Variants in BDNF observed in about 807,000 individuals in gnomAD.
BDNF encodes the protein brain derived neurotrophic factor.
A neutral mutation model predicts 19.5 loss-of-function variants in BDNF; 1 was observed. That is an observed-to-expected ratio of 0.05 (90% CI 0.02 to 0.24). The LOEUF (loss-of-function observed/expected upper bound fraction) is 0.24. Ranked by LOEUF, BDNF falls within the 10% of genes least tolerant of loss-of-function variation. BDNF has a pLI of 1.00. For synonymous variants in BDNF, 100 were observed against 121.6 expected, an observed-to-expected ratio of 0.82 and a Z score of 1.17; for missense variants, 195 against 317.6, an observed-to-expected ratio of 0.61 and a Z score of 2.93.
intron 1 of BDNF, chr11:27,674,744 A>G: frequency 1.0e-6 from 1 of 982,312 alleles, no homozygotes; most frequent in Non-Finnish European, 1.2e-6. Context: ...ACTGATTCCT[A>G]TAGAAGACAT....
At chr11:27,679,065 TAAG>T (rs1241353666) in intron 1 of BDNF, among the ~76,000 whole-genome samples, 1 of 152,032 alleles carries the variant, frequency 6.6e-6, no homozygotes, top group African/African-American at 2.4e-5. Context: ...TCAGAAAAAA[TAAG>T]AACTATTTTG....
chr11:27,671,871 T>C (rs1039079147), intron 1 of BDNF, among the ~76,000 whole-genome samples: 2 of 152,190 alleles, frequency 1.3e-5, no homozygotes, highest in Non-Finnish European at 2.9e-5. Flanking sequence ...ATAACTTTTT[T>C]ACTTATCAAA....
chr11:27,687,995 G>A (rs2134000559), intron 1 of BDNF, among the ~76,000 whole-genome samples: 1 of 152,328 alleles, frequency 6.6e-6, no homozygotes, highest in East Asian at 1.9e-4. Flanking sequence ...TAAGTCTGCT[G>A]AAGCTGGGCC....
intron 1 of BDNF, chr11:27,677,133 G>A (rs949942205): frequency 7.2e-5 from 11 of 152,158 alleles, no homozygotes; most frequent in South Asian, 6.2e-4. Context: ...TGCAAACTAC[G>A]GATGGGGTAA....
chr11:27,721,461 C>T lies in BDNF; in HGVS notation c.-47G>A, dbSNP rs1370754684. On this transcript the variant is annotated 5_prime_UTR_variant, in exon 1 of 2. Coordinates refer to the BDNF transcript ENST00000314915. The stretch of plus-strand genomic sequence containing the variant: ...ACTCAAGTGTCTTAAAATCTCGTCT[C>T]CCCAACAGATGCTGGAAGGTAATGT... The T allele has an allele frequency of 1.9e-6, 3 of 1,609,428 alleles. No individual in the cohort carries two copies. The East Asian group carries it at 6.7e-5, about 36-fold the overall frequency.
At chr11:27,666,880 T>C (rs1433851298) in intron 1 of BDNF, among the ~76,000 whole-genome samples, 1 of 152,068 alleles carries the variant, frequency 6.6e-6, no homozygotes, top group East Asian at 1.9e-4. Context: ...CCCAATCTAG[T>C]GAGGCAGGCC....
intron 1 of BDNF, among the ~76,000 whole-genome samples, chr11:27,718,640 C>G (rs1014110276): frequency 1.3e-5 from 2 of 149,422 alleles, no homozygotes; most frequent in Non-Finnish European, 3.0e-5. Context: ...CAATCTGTGC[C>G]CCATTCGCTG....
intron 1 of BDNF, among the ~76,000 whole-genome samples, chr11:27,708,047 C>T (rs985016931): frequency 1.3e-5 from 2 of 152,144 alleles, no homozygotes; most frequent in Non-Finnish European, 2.9e-5. Context: ...TCATGTGTCC[C>T]CCAAATGCAG....
chr11:27,670,658 A>G (rs1192120702), intron 1 of BDNF, among the ~76,000 whole-genome samples: 4 of 152,250 alleles, frequency 2.6e-5, no homozygotes. Flanking sequence ...ACATGAAAAA[A>G]TGCTCATCAT....
At chr11:27,678,760 C>A (rs1028042828) in intron 1 of BDNF, among the ~76,000 whole-genome samples, 5 of 152,060 alleles carry the variant, frequency 3.3e-5, no homozygotes, top group African/African-American at 1.2e-4. Flanking sequence ...CTTTTACCCC[C>A]AAATGTAGAG....
intron 1 of BDNF, among the ~76,000 whole-genome samples, chr11:27,689,385 T>C (rs1210287968): frequency 6.6e-6 from 1 of 152,230 alleles, no homozygotes; most frequent in African/African-American, 2.4e-5. Context: ...TAGAGTTATT[T>C]GTAGGATCAA....
chr11:27,657,654 A>G lies in BDNF; in HGVS notation c.*167T>C. The G allele has an allele frequency of 7.0e-7, 1 of 1,435,106 alleles. No homozygotes were observed. The highest frequency in any genetic ancestry group is 9.1e-7 in the Non-Finnish European group (1 of 1,101,658). The allele number at this position is 1,435,106 out of a possible 1,614,324, so 88.9% of individuals were successfully genotyped here. A position where few individuals can be genotyped will look rare whatever the true frequency, so the allele number is the denominator to read the frequency against. ...ATGACTGTTTCCCTTCTGGTCATGGACATGTCCAATAAATAGATTGTAGAA... is the reference window on the plus strand; with the variant it reads ...ATGACTGTTTCCCTTCTGGTCATGGGCATGTCCAATAAATAGATTGTAGAA... On this transcript the variant is annotated 3_prime_UTR_variant, in exon 2 of 2. Transcript: ENST00000356660. The surrounding 1 kb of genome is among the most constrained non-coding windows in gnomAD (Gnocchi z 5.0).
rs1859764638 is a variant in BDNF, at chr11:27,700,371, C to T, written c.-229G>A. On this transcript the variant is annotated 5_prime_UTR_variant, in exon 1 of 2. Coordinates refer to ENST00000356660, the MANE Select transcript of BDNF (RefSeq NM_001709.5). The stretch of plus-strand genomic sequence containing the variant: ...CTCTGTCCGGCCCGGGAGCCCGAGG[C>T]GCTACGGGGTGCGCGGGACAGCGAG... 24 of 985,566 alleles carry T rather than the reference C, an allele frequency of 2.4e-5. No individual in the cohort carries two copies. Among genetic ancestry groups the T allele is most frequent in the South Asian group, 4.6e-5 (1 of 21,624 alleles). 61.1% of individuals were successfully genotyped at this position (985,566 alleles called of 1,614,324 possible).
chr11:27,675,968 T>C (rs1856045119), intron 1 of BDNF: 1 of 152,070 alleles, frequency 6.6e-6, no homozygotes, highest in Non-Finnish European at 1.5e-5. Context: ...ACAAAACCTA[T>C]ACCTAGGCTG....
intron 1 of BDNF, chr11:27,719,581 A>G (rs1860667291): frequency 1.1e-5 from 11 of 985,066 alleles, no homozygotes; most frequent in Non-Finnish European, 1.3e-5. Context: ...TTCCCTTGAG[A>G]AAGCGGGAAC....
In BDNF at chr11:27,657,282, C is replaced by A; in HGVS notation, c.*539G>T. On this transcript the variant is annotated 3_prime_UTR_variant, in exon 2 of 2. Transcript: ENST00000356660. This position sits in a 1 kb window ranked among gnomAD's most constrained non-coding sequence, Gnocchi z 5.0. ...ACACAAAACAAACAAAAATATACCC[C>A]CCATCCCCCATCCCCTAAGCCAGTA... 1 of 987,156 alleles carries A rather than the reference C, an allele frequency of 1.0e-6. No individual in the cohort carries two copies. The highest frequency in any genetic ancestry group is 1.2e-6 in the Non-Finnish European group (1 of 830,856). The allele number at this position is 987,156 out of a possible 1,614,324, so 61.1% of individuals were successfully genotyped here. A position where few individuals can be genotyped will look rare whatever the true frequency, so the allele number is the denominator to read the frequency against.
chr11:27,701,212 G>A, upstream of BDNF: 1 of 1,183,904 alleles, frequency 8.4e-7, no homozygotes, highest in South Asian at 1.5e-5. Context: ...AGGAAGCCCA[G>A]GCAATGACAG....
At chr11:27,685,321 A>G (rs1359486300) in intron 1 of BDNF, among the ~76,000 whole-genome samples, 2 of 151,910 alleles carry the variant, frequency 1.3e-5, no homozygotes, top group Admixed American at 6.6e-5. Context: ...CATTCTATCT[A>G]TTTTGTTAAT....
intron 1 of BDNF, among the ~76,000 whole-genome samples, chr11:27,692,537 C>T (rs1163244905): frequency 6.6e-6 from 1 of 152,036 alleles, no homozygotes; most frequent in African/African-American, 2.4e-5. Context: ...AAGATGGGGT[C>T]TTGCTATGTT....
Sources: gnomAD v4.1 joint callset for allele counts (sites outside exome capture counted in the v4.1 genomes callset) on GRCh38, gnomAD v4.1.1 for gene constraint, Gnocchi (gnomAD v3.1) non-coding constraint, MANE v1.5 for transcripts, NCBI Gene and HGNC (gene_info 2026-07-23, HGNC 2026-07-21) for gene names.